The following ZBTB7C variants were observed in gnomAD, a reference collection of about 807,000 sequenced individuals.
ZBTB7C encodes zinc finger and BTB domain containing 7C, also known as zinc finger and BTB domain-containing protein 7C.
In ZBTB7C, 8 loss-of-function variants were observed where a neutral mutation model predicts 25.7. That is an observed-to-expected ratio of 0.31 (90% confidence interval 0.18 to 0.56). The LOEUF is 0.56. ZBTB7C is among the 20% of genes least tolerant of loss of function. ZBTB7C has a pLI of 0.91. For missense variants in ZBTB7C, 824 were observed against 855.2 expected (o/e 0.96, Z 0.46); for synonymous variants, 394 against 369.0 (o/e 1.07, Z -0.78).
At chr18:48,160,622 A>G (rs1415801342) in intron 3 of ZBTB7C, among the ~76,000 whole-genome samples, 1 of 152,214 alleles carries the variant, frequency 6.6e-6, no homozygotes, top group Non-Finnish European at 1.5e-5. Flanking sequence ...ATGTATAAAT[A>G]GTGGCAATCT....
intron 1 of ZBTB7C, among the ~76,000 whole-genome samples, chr18:48,365,586 C>G (rs908608419): frequency 6.6e-6 from 1 of 152,120 alleles, no homozygotes; most frequent in African/African-American, 2.4e-5. Flanking sequence ...GGATCCTTCC[C>G]CACTTGGGCC....
chr18:48,339,546 T>C (rs1277056478), intron 1 of ZBTB7C, among the ~76,000 whole-genome samples: 4 of 152,228 alleles, frequency 2.6e-5, no homozygotes, highest in Non-Finnish European at 5.9e-5. Flanking sequence ...GTTGAGAAGC[T>C]TGCTAAAGAT....
In ZBTB7C at chr18:48,041,305, G is replaced by T. The variant is rs1173733697; in HGVS notation, c.-16-182C>A. ...ATTCACAGCCTGGCTTACAAGCTGGGGCTTTTCTCTGGACCCCTAAGACTC... is the reference window on the plus strand; with the variant it reads ...ATTCACAGCCTGGCTTACAAGCTGGTGCTTTTCTCTGGACCCCTAAGACTC... On this transcript the variant is annotated intron_variant, in intron 3 of 4. Coordinates refer to ENST00000590800, the MANE Select transcript of ZBTB7C (RefSeq NM_001318841.2). 3.0e-6 allele frequency: 3 copies of T among 985,226 alleles called. No individual in the cohort carries two copies. In the African/African-American group the frequency reaches 5.2e-5, roughly 17 times the overall value. 61.0% of individuals were successfully genotyped at this position (985,226 alleles called of 1,614,324 possible). A position where few individuals can be genotyped will look rare whatever the true frequency, so the allele number is the denominator to read the frequency against.
At chr18:48,043,988 A>G (rs927552743) in intron 3 of ZBTB7C, among the ~76,000 whole-genome samples, 3 of 152,166 alleles carry the variant, frequency 2.0e-5, no homozygotes, top group Non-Finnish European at 4.4e-5. Flanking sequence ...GCAGAGACCT[A>G]GAAGAGGAGA....
chr18:48,368,062 T>C (rs1336838286), intron 1 of ZBTB7C, among the ~76,000 whole-genome samples: 1 of 151,590 alleles, frequency 6.6e-6, no homozygotes, highest in Non-Finnish European at 1.5e-5. Flanking sequence ...AAATTACTTA[T>C]CATACCAAGA....
At chr18:48,268,340 G>C (rs969257274) in intron 2 of ZBTB7C, among the ~76,000 whole-genome samples, 1 of 152,184 alleles carries the variant, frequency 6.6e-6, no homozygotes, top group Non-Finnish European at 1.5e-5. Flanking sequence ...GTCACATTAG[G>C]GGAGAGAGAC....
At chr18:48,148,433 T>A (rs771077585) in intron 3 of ZBTB7C, 3 of 152,248 alleles carry the variant, frequency 2.0e-5, no homozygotes, top group Non-Finnish European at 4.4e-5. Context: ...AGGCTTTGAC[T>A]GGAATGTCAT....
chr18:48,399,691 G>A (rs570882904), intron 1 of ZBTB7C, among the ~76,000 whole-genome samples: 2 of 152,306 alleles, frequency 1.3e-5, no homozygotes, highest in East Asian at 3.9e-4. Context: ...GTAGACACAA[G>A]CCAGTTACTT....
intron 3 of ZBTB7C, among the ~76,000 whole-genome samples, chr18:48,042,277 A>G (rs968323370): frequency 6.6e-6 from 1 of 152,084 alleles, no homozygotes; most frequent in Non-Finnish European, 1.5e-5. Flanking sequence ...AGCCTAAAAC[A>G]AAACAAACAA....
intron 3 of ZBTB7C, among the ~76,000 whole-genome samples, chr18:48,053,518 T>C (rs1430755636): frequency 1.3e-5 from 2 of 152,204 alleles, no homozygotes; most frequent in Non-Finnish European, 2.9e-5. Flanking sequence ...TATATTTATA[T>C]TTGCATTTAT....
chr18:48,270,249 CTTTCTTTTTTTTTTTTT>C (rs1481231421), intron 2 of ZBTB7C, among the ~76,000 whole-genome samples: 1 of 134,662 alleles, frequency 7.4e-6, no homozygotes, highest in Non-Finnish European at 1.6e-5. Context: ...CTTTTTCTCT[CTTTCTTTTTTTTTTTTT>C]TTTTTTTTTT....
At chr18:48,236,865 G>T (rs2043393520) in intron 2 of ZBTB7C, among the ~76,000 whole-genome samples, 1 of 152,190 alleles carries the variant, frequency 6.6e-6, no homozygotes, top group Non-Finnish European at 1.5e-5. Flanking sequence ...AGGTAGCTTT[G>T]CAGAGGAAAT....
Position 48,201,320 on chromosome 18 carries a change from G to T in ZBTB7C, c.-78-15325C>A, listed in dbSNP as rs887610916. Among the ~76,000 whole-genome samples the T allele has an allele frequency of 3.9e-5, 6 of 152,194 alleles. No individual in the cohort carries two copies. The South Asian group carries it at 6.2e-4, about 16-fold the overall frequency. ...CCTCCTCTGACAGACATGCATGAAT[G>T]CTGGGAAGCAAAGGTATAGCCCAGG... On this transcript the variant is annotated intron_variant, in intron 2 of 4. Coordinates refer to ENST00000590800, the MANE Select transcript of ZBTB7C (RefSeq NM_001318841.2).
At chr18:48,279,878 T>C (rs2044780198) in intron 2 of ZBTB7C, among the ~76,000 whole-genome samples, 1 of 152,046 alleles carries the variant, frequency 6.6e-6, no homozygotes, top group Non-Finnish European at 1.5e-5. Context: ...AGAAAGGGGA[T>C]GAAGGAAATC....
chr18:48,160,806 C>A (rs2040986131), intron 3 of ZBTB7C, among the ~76,000 whole-genome samples: 2 of 152,054 alleles, frequency 1.3e-5, no homozygotes, highest in Admixed American at 1.3e-4. Flanking sequence ...CAGTGGCAGT[C>A]TGAGGGGGGC....
At chr18:48,187,831 A>G (rs970559984) in intron 2 of ZBTB7C, among the ~76,000 whole-genome samples, 3 of 151,350 alleles carry the variant, frequency 2.0e-5, no homozygotes, top group African/African-American at 7.3e-5. Context: ...AAAAAAAAAA[A>G]AAAAAAAAAA....
At chr18:48,203,901 G>A (rs2042515354) in intron 2 of ZBTB7C, among the ~76,000 whole-genome samples, 1 of 152,216 alleles carries the variant, frequency 6.6e-6, no homozygotes, top group Non-Finnish European at 1.5e-5. Context: ...GAGAGGCTCT[G>A]AAGAGGGGGT....
At chr18:48,102,664 A>G (rs1046882292) in intron 3 of ZBTB7C, among the ~76,000 whole-genome samples, 1 of 151,864 alleles carries the variant, frequency 6.6e-6, no homozygotes, top group Non-Finnish European at 1.5e-5. Flanking sequence ...TAACTATTTT[A>G]TGCCAGACAA....
At chr18:48,105,601 A>G (rs1235532878) in intron 3 of ZBTB7C, among the ~76,000 whole-genome samples, 1 of 152,098 alleles carries the variant, frequency 6.6e-6, no homozygotes, top group East Asian at 1.9e-4. Context: ...GGGGCATGGC[A>G]TTGCCTCTGG....
Sources: gnomAD v4.1 joint callset for allele counts (sites outside exome capture counted in the v4.1 genomes callset) on GRCh38, gnomAD v4.1.1 for gene constraint, MANE v1.5 for transcripts, NCBI Gene and HGNC (gene_info 2026-07-23, HGNC 2026-07-21) for gene names.